The following GRTP1 variants were observed in gnomAD, a reference collection of about 807,000 sequenced individuals.
GRTP1 encodes the protein growth hormone-regulated TBC protein 1.
A neutral mutation model predicts 38.1 loss-of-function variants in GRTP1; 56 were observed. The observed-to-expected ratio is 1.47, with a 90% CI of 1.19 to 1.84. The LOEUF (loss-of-function observed/expected upper bound fraction) is 1.84, where lower values mean the gene tolerates loss of function less well. Among genes scored for constraint, GRTP1 ranks in the 40% most tolerant of loss-of-function variants. The pLI is 0.00. For missense variants in GRTP1, 506 were observed against 453.9 expected, an observed-to-expected ratio of 1.11 and a Z score of -1.04; for synonymous variants, 217 against 189.5, an observed-to-expected ratio of 1.14 and a Z score of -1.19.
intron 2 of GRTP1, among the ~76,000 whole-genome samples, chr13:113,357,441 CAAAAAAAAA>C (rs368660991): frequency 3.1e-5 from 3 of 97,698 alleles, no homozygotes; most frequent in Non-Finnish European, 5.6e-5. Context: ...GACACTGCCT[CAAAAAAAAA>C]AAAAAAAAAA....
intron 5 of GRTP1, among the ~76,000 whole-genome samples, chr13:113,344,641 A>G (rs1323099736): frequency 3.0e-5 from 4 of 131,368 alleles, no homozygotes; most frequent in Non-Finnish European, 4.7e-5. Context: ...TGAACCCGGG[A>G]GGCAGAGGTT....
intron 5 of GRTP1, 160 bp from the exon 6 acceptor site, chr13:113,326,251 G>T: frequency 2.7e-6 from 1 of 365,534 alleles, no homozygotes; most frequent in African/African-American, 2.2e-5. Flanking sequence ...GAGGCCTGCA[G>T]ACACAGGGCT....
At chr13:113,336,439 C>T (rs754203506) in intron 5 of GRTP1, among the ~76,000 whole-genome samples, 51 of 152,220 alleles carry the variant, frequency 3.4e-4, no homozygotes, top group Non-Finnish European at 6.2e-4. Flanking sequence ...CTCGGTGTGC[C>T]GAGCACTAGG....
At chr13:113,341,275 ATATT>A (rs2043022155) in intron 5 of GRTP1, among the ~76,000 whole-genome samples, 1 of 150,958 alleles carries the variant, frequency 6.6e-6, no homozygotes, top group East Asian at 1.9e-4. Flanking sequence ...ATGTTTGTAT[ATATT>A]TATTTGAGAC....
chr13:113,325,441 C>T, intron 7 of GRTP1: 1 of 1,445,234 alleles, frequency 6.9e-7, no homozygotes, highest in South Asian at 1.5e-5. Context: ...GGAGCAGCGT[C>T]CGCAGTGCCA....
intron 5 of GRTP1, among the ~76,000 whole-genome samples, chr13:113,327,893 TGG>T (rs2042798440): frequency 6.6e-6 from 1 of 152,204 alleles, no homozygotes; most frequent in Admixed American, 6.5e-5. Flanking sequence ...AGCCTGACCT[TGG>T]CCCCAGACAC....
chr13:113,330,235 G>GGGTGTGTGCATGGAAACCCA (rs1566415022), intron 5 of GRTP1, among the ~76,000 whole-genome samples: 3 of 127,096 alleles, frequency 2.4e-5, no homozygotes, highest in African/African-American at 6.1e-5. Context: ...ATGGAAACCC[G>GGGTGTGTGCATGGAAACCCA]GGTGTGTGCA....
intron 5 of GRTP1, among the ~76,000 whole-genome samples, chr13:113,337,245 T>A (rs1199589863): frequency 6.6e-6 from 1 of 152,166 alleles, no homozygotes; most frequent in East Asian, 1.9e-4. Context: ...CAGTGAGCTG[T>A]GATGGTGCCA....
intron 2 of GRTP1, among the ~76,000 whole-genome samples, chr13:113,356,551 C>A (rs1053527730): frequency 1.1e-4 from 16 of 152,152 alleles, no homozygotes; most frequent in African/African-American, 3.6e-4. Flanking sequence ...CAGGCGTGAG[C>A]CACCACGCCT....
At position 113,337,345 on chromosome 13, in the gene GRTP1, A is replaced by G. The variant is rs556113954; in HGVS notation, c.562+7518T>C. Among the ~76,000 whole-genome samples the G allele has an allele frequency of 2.0e-5, 3 of 152,338 alleles. No individual in the cohort carries two copies. The East Asian group carries it at 5.8e-4, about 29-fold the overall frequency. The stretch of plus-strand genomic sequence containing the variant: ...AAGTAGCTAAGATCTCCGGCTAAAT[A>G]CTTGGTAGAAAACTGAGCAATTACT... On this transcript the variant is annotated intron_variant, in intron 5 of 7. Transcript: ENST00000375431.
At chr13:113,329,225 G>A (rs990379754) in intron 5 of GRTP1, among the ~76,000 whole-genome samples, 8 of 152,210 alleles carry the variant, frequency 5.3e-5, no homozygotes, top group South Asian at 2.1e-4. Context: ...GTTAAGGAAG[G>A]TATAATCCAC....
At chr13:113,327,246 A>G (rs1034914763) in intron 5 of GRTP1, among the ~76,000 whole-genome samples, 1 of 152,076 alleles carries the variant, frequency 6.6e-6, no homozygotes, top group African/African-American at 2.4e-5. Flanking sequence ...GCATGATCTT[A>G]GCTCACTGGA....
Position 113,347,499 on chromosome 13 carries a change from G to C in GRTP1, c.466-2540C>G, listed in dbSNP as rs1365356085. Among the ~76,000 whole-genome samples, 23 of 54,076 alleles carry C rather than the reference G, an allele frequency of 4.3e-4. 2 individuals carry two copies. The highest frequency in any genetic ancestry group is 1.1e-3 in the African/African-American group (17 of 16,054). 35.5% of individuals were successfully genotyped at this position (54,076 alleles called of 152,430 possible). On this transcript the variant is annotated intron_variant, in intron 4 of 7. Coordinates refer to ENST00000375431, the MANE Select transcript of GRTP1 (RefSeq NM_024719.4). The stretch of plus-strand genomic sequence containing the variant: ...GAGCAGACCTGGGAGGACCTCTGTG[G>C]CCGAGAGCGGACCCAGGAGCACCTC...
intron 3 of GRTP1, 139 bp from the exon 4 acceptor site, chr13:113,351,112 A>T: frequency 9.4e-7 from 1 of 1,063,130 alleles, no homozygotes. Context: ...CAGCAGACTC[A>T]ACACAGCCAG....
intron 5 of GRTP1, among the ~76,000 whole-genome samples, chr13:113,332,439 C>T (rs1337981592): frequency 1.3e-5 from 2 of 152,408 alleles, no homozygotes; most frequent in South Asian, 2.1e-4. Context: ...CAGGCACACA[C>T]GTGCACACGC....
intron 3 of GRTP1, among the ~76,000 whole-genome samples, chr13:113,352,337 T>TTATATATTTATATATATTTTATA (rs2043295606): frequency 1.2e-4 from 6 of 51,532 alleles, no homozygotes; most frequent in Non-Finnish European, 2.3e-4. Flanking sequence ...TATATATATT[T>TTATATATTTATATATATTTTATA]TATATATATA....
chr13:113,356,327 G>A (rs2043385645), intron 2 of GRTP1, among the ~76,000 whole-genome samples: 1 of 152,046 alleles, frequency 6.6e-6, no homozygotes, highest in African/African-American at 2.4e-5. Flanking sequence ...GAGTGCAGTG[G>A]TGCAATCTTG....
intron 3 of GRTP1, among the ~76,000 whole-genome samples, chr13:113,354,249 T>C (rs1208912087): frequency 6.6e-6 from 1 of 152,080 alleles, no homozygotes; most frequent in Non-Finnish European, 1.5e-5. Context: ...TTGGCGGCCA[T>C]CACTCTGTGG....
At chr13:113,346,259 C>CGG (rs2043127895) in intron 4 of GRTP1, among the ~76,000 whole-genome samples, 1 of 73,202 alleles carries the variant, frequency 1.4e-5, no homozygotes, top group African/African-American at 6.2e-5. Context: ...TGGCCGAGAG[C>CGG]AGATCCGGGA....
Sources: gnomAD v4.1 joint callset for allele counts (sites outside exome capture counted in the v4.1 genomes callset) on GRCh38, gnomAD v4.1.1 for gene constraint, MANE v1.5 for transcripts, NCBI Gene and HGNC (gene_info 2026-07-23, HGNC 2026-07-21) for gene names.